NALF1: variants seen among roughly 807,000 people sequenced by gnomAD.
NALF1 encodes family with sequence similarity 155 member A.
NALF1 carries 3 observed loss-of-function variants against 48.4 expected under a neutral mutation model. The observed-to-expected ratio is 0.06, with a 90% CI of 0.03 to 0.16. The LOEUF is 0.16. Ranked by LOEUF, NALF1 falls within the 10% of genes least tolerant of loss-of-function variation. The pLI, the probability that NALF1 is intolerant of heterozygous loss-of-function variation, is 1.00. For synonymous variants in NALF1, 262 were observed against 245.7 expected (o/e 1.07, Z -0.62); for missense variants, 526 against 571.5 (o/e 0.92, Z 0.81).
intron 1 of NALF1, among the ~76,000 whole-genome samples, chr13:107,562,106 C>G (rs889241577): frequency 2.0e-5 from 3 of 152,118 alleles, no homozygotes; most frequent in African/African-American, 7.2e-5. Flanking sequence ...CTGTTTTGAC[C>G]TTGCCTTGAC....
At chr13:107,303,054 T>G (rs1360061508) in intron 1 of NALF1, among the ~76,000 whole-genome samples, 1 of 152,200 alleles carries the variant, frequency 6.6e-6, no homozygotes, top group Non-Finnish European at 1.5e-5. Flanking sequence ...ATTTTATTTT[T>G]TGTTGTTGTT....
chr13:107,222,339 TA>T (rs1880012065), intron 1 of NALF1, among the ~76,000 whole-genome samples: 1 of 152,228 alleles, frequency 6.6e-6, no homozygotes, highest in Non-Finnish European at 1.5e-5. Context: ...TTGTACTTGC[TA>T]AACATTTTTA....
chr13:107,413,449 CTCG>C (rs1884026654), intron 1 of NALF1, among the ~76,000 whole-genome samples: 1 of 151,678 alleles, frequency 6.6e-6, no homozygotes, highest in Non-Finnish European at 1.5e-5. Context: ...ATGCTGAAAA[CTCG>C]TCAATTTTAA....
intron 1 of NALF1, among the ~76,000 whole-genome samples, chr13:107,659,141 A>ACACG (rs1880663717): frequency 6.6e-6 from 1 of 151,596 alleles, no homozygotes; most frequent in Non-Finnish European, 1.5e-5. Flanking sequence ...ACACACACAC[A>ACACG]CACGCACTCA....
intron 1 of NALF1, among the ~76,000 whole-genome samples, chr13:107,680,258 A>G (rs1382982328): frequency 6.6e-6 from 1 of 152,202 alleles, no homozygotes; most frequent in African/African-American, 2.4e-5. Context: ...CTCTGTACAG[A>G]TGCCAACCAT....
chr13:107,652,442 C>T (rs1411515536), intron 1 of NALF1, among the ~76,000 whole-genome samples: 1 of 152,052 alleles, frequency 6.6e-6, no homozygotes, highest in Non-Finnish European at 1.5e-5. Flanking sequence ...TTAACATATA[C>T]ACAATACATA....
intron 1 of NALF1, among the ~76,000 whole-genome samples, chr13:107,316,880 A>G (rs1480086498): frequency 6.6e-6 from 1 of 152,070 alleles, no homozygotes; most frequent in African/African-American, 2.4e-5. Flanking sequence ...CTACTTTTAC[A>G]TATACACTGG....
chr13:107,664,743 T>C (rs984453504), intron 1 of NALF1, among the ~76,000 whole-genome samples: 1 of 152,378 alleles, frequency 6.6e-6, no homozygotes, highest in Admixed American at 6.5e-5. Context: ...TTTCTTTTTC[T>C]ACATTGTATT....
chr13:107,690,831 T>A (rs549441602), intron 1 of NALF1, among the ~76,000 whole-genome samples: 1 of 152,190 alleles, frequency 6.6e-6, no homozygotes, highest in Non-Finnish European at 1.5e-5. Flanking sequence ...TTTCTAACAG[T>A]CATGGAGAAG....
intron 1 of NALF1, among the ~76,000 whole-genome samples, chr13:107,323,218 T>G (rs2138915852): frequency 6.6e-6 from 1 of 152,278 alleles, no homozygotes; most frequent in African/African-American, 2.4e-5. Flanking sequence ...GCTATAGAAC[T>G]TCTGATTAGT....
At chr13:107,390,619 ATTTTACTTGAGGCAAAG>A (rs901330908) in intron 1 of NALF1, among the ~76,000 whole-genome samples, 5 of 152,070 alleles carry the variant, frequency 3.3e-5, no homozygotes, top group Non-Finnish European at 5.9e-5. Flanking sequence ...GCCCAGTGGT[ATTTTACTTGAGGCAAAG>A]TTTTACTTGA....
At chr13:107,649,392 G>C (rs758790125) in intron 1 of NALF1, among the ~76,000 whole-genome samples, 1 of 152,126 alleles carries the variant, frequency 6.6e-6, no homozygotes, top group Non-Finnish European at 1.5e-5. Flanking sequence ...AATGCTATGT[G>C]ATAAAATTTA....
At position 107,865,721 on chromosome 13, in the gene NALF1, C is replaced by T. The variant is rs1880694958; in HGVS notation, c.876G>A (p.Ser292=). 1 of 1,613,962 alleles carries T rather than the reference C, an allele frequency of 6.2e-7. No homozygotes were observed. The highest frequency in any genetic ancestry group is 1.1e-5 in the South Asian group (1 of 91,062). ...GACAGGATTTCACCGAGTACTCCTC[C>T]GACTGTAAATATTTGTGGAGCACGC... The part of the protein sequence containing the change: ...FESVLHKYLQ[S]EEYSVKSCPE... Residue 292 remains serine, a synonymous_variant, in exon 1 of 3, where the codon TCG becomes TCA. Coordinates refer to ENST00000375915, the MANE Select transcript of NALF1 (RefSeq NM_001080396.3).
chr13:107,514,477 T>A (rs1397243755), intron 1 of NALF1, among the ~76,000 whole-genome samples: 3 of 147,890 alleles, frequency 2.0e-5, no homozygotes, highest in African/African-American at 7.4e-5. Context: ...TATCTATAAA[T>A]CAATTTTTTT....
intron 1 of NALF1, among the ~76,000 whole-genome samples, chr13:107,765,987 T>C (rs1199089253): frequency 1.3e-5 from 2 of 148,556 alleles, no homozygotes; most frequent in African/African-American, 5.0e-5. Flanking sequence ...AAAATAGCTA[T>C]GTTTTAGCTG....
chr13:107,772,621 T>C (rs1029357486), intron 1 of NALF1, among the ~76,000 whole-genome samples: 43 of 152,202 alleles, frequency 2.8e-4, no homozygotes, highest in African/African-American at 7.7e-4. Flanking sequence ...TTGTGAGATT[T>C]GCAGCATCAT....
chr13:107,334,741 G>T (rs1234697995), intron 1 of NALF1, among the ~76,000 whole-genome samples: 2 of 152,132 alleles, frequency 1.3e-5, no homozygotes, highest in Non-Finnish European at 2.9e-5. Context: ...TTTAAATGCT[G>T]TTCACACTAA....
chr13:107,788,407 T>A (rs1878135488), intron 1 of NALF1: 2 of 152,190 alleles, frequency 1.3e-5, no homozygotes, highest in Admixed American at 6.5e-5. Flanking sequence ...CTCTCTCTTC[T>A]TCCTGCACTG....
At chr13:107,334,381 C>A (rs1259905992) in intron 1 of NALF1, among the ~76,000 whole-genome samples, 10 of 152,166 alleles carry the variant, frequency 6.6e-5, no homozygotes, top group African/African-American at 2.4e-4. Flanking sequence ...TTCAGCTCAA[C>A]CCTCCCTTTT....
Sources: gnomAD v4.1 joint callset for allele counts (sites outside exome capture counted in the v4.1 genomes callset) on GRCh38, gnomAD v4.1.1 for gene constraint, MANE v1.5 for transcripts, NCBI Gene and HGNC (gene_info 2026-07-23, HGNC 2026-07-21) for gene names.